PTPRN2: variants seen among roughly 807,000 people sequenced by gnomAD.
PTPRN2 encodes the protein protein tyrosine phosphatase receptor type N2.
PTPRN2 carries 74 observed loss-of-function variants against 118.8 expected under a neutral mutation model. The ratio of observed to expected loss-of-function variants is 0.62; its 90% CI spans 0.52 to 0.76. The LOEUF is 0.76. Ranked by LOEUF, PTPRN2 falls within the 30% of genes least tolerant of loss-of-function variation. The pLI, the probability that PTPRN2 is intolerant of heterozygous loss-of-function variation, is 0.00. For missense variants in PTPRN2, 1,481 were observed against 1,394.4 expected (o/e 1.06, Z -0.99); for synonymous variants, 641 against 608.0 (o/e 1.05, Z -0.80).
intron 3 of PTPRN2, among the ~76,000 whole-genome samples, chr7:158,209,068 A>G (rs532385760): frequency 6.6e-5 from 10 of 152,238 alleles, no homozygotes; most frequent in African/African-American, 2.4e-4. Flanking sequence ...CAAAAAGTAA[A>G]AAGCTAGAAA....
At chr7:158,352,932 A>ACCAGGGCCTGCG (rs1425275502) in intron 2 of PTPRN2, among the ~76,000 whole-genome samples, 1 of 151,844 alleles carries the variant, frequency 6.6e-6, no homozygotes, top group Non-Finnish European at 1.5e-5. Context: ...CAGGGCCTGC[A>ACCAGGGCCTGCG]CCAGGCCACC....
chr7:158,263,074 T>TCA (rs1205784451), intron 3 of PTPRN2, among the ~76,000 whole-genome samples: 4 of 137,396 alleles, frequency 2.9e-5, no homozygotes, highest in Admixed American at 1.5e-4. Flanking sequence ...CACACACACA[T>TCA]CACACACACC....
chr7:158,559,149 C>G (rs1827223404), intron 1 of PTPRN2, among the ~76,000 whole-genome samples: 1 of 152,190 alleles, frequency 6.6e-6, no homozygotes, highest in South Asian at 2.1e-4. Context: ...AGATTCTTCT[C>G]TCATGTTTTC....
chr7:158,065,309 C>A (rs1397946877), intron 11 of PTPRN2, among the ~76,000 whole-genome samples: 1 of 152,242 alleles, frequency 6.6e-6, no homozygotes, highest in Non-Finnish European at 1.5e-5. Flanking sequence ...CAATGAGTTT[C>A]TTACCTCGCA....
chr7:158,113,018 C>A (rs570598235), intron 9 of PTPRN2, among the ~76,000 whole-genome samples: 2 of 150,448 alleles, frequency 1.3e-5, no homozygotes, highest in Non-Finnish European at 3.0e-5. Flanking sequence ...GCATTGAGGG[C>A]CCCCCGGCAT....
chr7:157,870,751 A>T (rs1203789340), intron 12 of PTPRN2, among the ~76,000 whole-genome samples: 4 of 152,222 alleles, frequency 2.6e-5, no homozygotes, highest in Admixed American at 2.6e-4. Context: ...AATGCCTGTG[A>T]GCCGCCAGGA....
At chr7:157,812,950 C>A (rs1806149774) in intron 12 of PTPRN2, among the ~76,000 whole-genome samples, 2 of 152,172 alleles carry the variant, frequency 1.3e-5, no homozygotes, top group South Asian at 4.1e-4. Flanking sequence ...AGTCCCTAAG[C>A]CAAGTCCCTA....
At chr7:158,351,252 G>C (rs1308311323) in intron 2 of PTPRN2, among the ~76,000 whole-genome samples, 1 of 152,138 alleles carries the variant, frequency 6.6e-6, no homozygotes. Flanking sequence ...GAGGGTCCAG[G>C]AGGGGGACTC....
chr7:158,453,116 C>T (rs1315918034), intron 2 of PTPRN2, among the ~76,000 whole-genome samples: 1 of 146,400 alleles, frequency 6.8e-6, no homozygotes, highest in Non-Finnish European at 1.5e-5. Context: ...GGGGGCACCA[C>T]AGGGTTGGCT....
intron 6 of PTPRN2, among the ~76,000 whole-genome samples, chr7:158,142,849 G>T (rs1482189766): frequency 6.6e-6 from 1 of 152,182 alleles, no homozygotes; most frequent in African/African-American, 2.4e-5. Context: ...CGGCACCCAT[G>T]CCCCAGCTCC....
chr7:158,562,818 C>A (rs1827468327), intron 1 of PTPRN2, among the ~76,000 whole-genome samples: 1 of 152,162 alleles, frequency 6.6e-6, no homozygotes, highest in African/African-American at 2.4e-5. Flanking sequence ...GGGGCACATA[C>A]CTCAACAGAA....
intron 13 of PTPRN2, among the ~76,000 whole-genome samples, chr7:157,668,820 C>A (rs1196273273): frequency 6.6e-6 from 1 of 152,088 alleles, no homozygotes; most frequent in African/African-American, 2.4e-5. Flanking sequence ...AAAGCGTGTG[C>A]AGGGAAAAGG....
chr7:158,454,550 C>T (rs1375981011), intron 2 of PTPRN2, among the ~76,000 whole-genome samples: 2 of 149,282 alleles, frequency 1.3e-5, no homozygotes, highest in African/African-American at 2.5e-5. Flanking sequence ...CAAGACACAA[C>T]ACACACAATC....
intron 3 of PTPRN2, among the ~76,000 whole-genome samples, chr7:158,263,271 A>G (rs1341702129): frequency 6.6e-6 from 1 of 152,186 alleles, no homozygotes; most frequent in Non-Finnish European, 1.5e-5. Context: ...CATGCACTGC[A>G]CGTGTTGCAC....
rs894888042 is a variant in PTPRN2, at chr7:158,110,744, A to G, written c.1643+85T>C. On this transcript the variant is annotated intron_variant, in intron 10 of 22. Transcript: ENST00000389418. ...TTCCCTCATGTAATTAACAAGAGCC[A>G]TGGGCTCGCAGCTCCTTCCCTCCCA... is the stretch of plus-strand genomic sequence containing the variant. 5 of 1,272,750 alleles carry G rather than the reference A, an allele frequency of 3.9e-6. No individual in the cohort carries two copies. In the East Asian group the frequency reaches 1.0e-4, roughly 26 times the overall value. 78.8% of individuals were successfully genotyped at this position (1,272,750 alleles called of 1,614,324 possible).
rs1170570956 is a variant in PTPRN2, at chr7:157,591,451, G to A, written c.2496+3787C>T. On this transcript the variant is annotated intron_variant, in intron 17 of 22. Transcript: ENST00000389418. The surrounding 1 kb of genome is among the most constrained non-coding windows in gnomAD (Gnocchi z 4.4). ...CCAGAATGGGGATGCAGGAGGAGAC[G>A]GTCACTCCAACTCAGCCTGTTGACT... 2.6e-5 allele frequency among the ~76,000 whole-genome samples: 4 copies of A among 152,204 alleles called. No individual in the cohort carries two copies. Among genetic ancestry groups the A allele is most frequent in the African/African-American group, 4.8e-5 (2 of 41,466 alleles).
intron 3 of PTPRN2, among the ~76,000 whole-genome samples, chr7:158,263,031 A>G (rs1212476527): frequency 7.0e-6 from 1 of 142,334 alleles, no homozygotes; most frequent in South Asian, 2.2e-4. Flanking sequence ...GCACACATAC[A>G]TATTCACAAA....
chr7:158,021,895 C>T (rs1806902151), intron 11 of PTPRN2, among the ~76,000 whole-genome samples: 1 of 152,216 alleles, frequency 6.6e-6, no homozygotes, highest in African/African-American at 2.4e-5. Flanking sequence ...TTAGAATCTA[C>T]CCACCTCTGT....
rs1044755535 is a variant in PTPRN2, at chr7:157,861,478, C to T, written c.1788+37195G>A. 1.8e-4 allele frequency among the ~76,000 whole-genome samples: 28 copies of T among 152,342 alleles called. No individual in the cohort carries two copies. Among genetic ancestry groups the T allele is most frequent in the Middle Eastern group, 3.4e-3 (1 of 294 alleles). On this transcript the variant is annotated intron_variant, in intron 12 of 22. Coordinates refer to ENST00000389418, the MANE Select transcript of PTPRN2 (RefSeq NM_002847.5). This position sits in a 1 kb window ranked among gnomAD's most constrained non-coding sequence, Gnocchi z 5.8. ...CCTCCTGCCCTCGGACATGCTGGCC[C>T]GCCCTCCCTGAGTCTTGCAGGGCCC...
Sources: allele counts gnomAD v4.1 joint callset (sites outside exome capture counted in the v4.1 genomes callset), GRCh38; gene constraint gnomAD v4.1.1; non-coding constraint Gnocchi (gnomAD v3.1); transcripts MANE v1.5; gene names NCBI Gene and HGNC (gene_info 2026-07-23, HGNC 2026-07-21).